The following TFDP1 variants were observed in gnomAD, a reference collection of about 807,000 sequenced individuals.
TFDP1 encodes the protein DRTF1-polypeptide 1.
TFDP1 carries 6 observed loss-of-function variants against 48.0 expected under a neutral mutation model. The observed-to-expected ratio is 0.13, with a 90% CI of 0.07 to 0.25. The LOEUF (loss-of-function observed/expected upper bound fraction) is 0.25, where lower values mean the gene tolerates loss of function less well. Ranked by LOEUF, TFDP1 falls within the 10% of genes least tolerant of loss-of-function variation. The probability of loss-of-function intolerance (pLI) is 1.00; values close to 1 mark genes in which losing one functional copy is unlikely to be tolerated. For synonymous variants in TFDP1, 201 were observed against 211.6 expected, an observed-to-expected ratio of 0.95 and a Z score of 0.44; for missense variants, 335 against 543.0, an observed-to-expected ratio of 0.62 and a Z score of 3.81.
intron 5 of TFDP1, among the ~76,000 whole-genome samples, chr13:113,632,567 A>G (rs1361187897): frequency 6.6e-6 from 1 of 152,130 alleles, no homozygotes; most frequent in Non-Finnish European, 1.5e-5. Flanking sequence ...CACGAGTTCA[A>G]GAGATTGAGA....
intron 3 of TFDP1, among the ~76,000 whole-genome samples, chr13:113,619,856 T>C (rs904516665): frequency 6.6e-6 from 1 of 152,098 alleles, no homozygotes; most frequent in Non-Finnish European, 1.5e-5. Flanking sequence ...GGAGGGGCCC[T>C]CTGTGCTTGG....
intron 2 of TFDP1, among the ~76,000 whole-genome samples, chr13:113,593,720 A>G (rs1566635564): frequency 7.9e-6 from 1 of 125,846 alleles, no homozygotes; most frequent in Non-Finnish European, 1.7e-5. Context: ...GTGGGTCCTC[A>G]GCCCTGCCCA....
chr13:113,612,534 A>AAAGTG (rs2048732938), intron 3 of TFDP1, among the ~76,000 whole-genome samples: 1 of 152,382 alleles, frequency 6.6e-6, no homozygotes, highest in South Asian at 2.1e-4. Flanking sequence ...TGAACACTTA[A>AAAGTG]AAGTGGACAA....
rs532338384 is a variant in TFDP1 at position 113,626,572 on chromosome 13, C to T, written c.186+3286C>T. Among the ~76,000 whole-genome samples, 10 of 151,912 alleles carry T rather than the reference C, an allele frequency of 6.6e-5. 1 individual carries two copies. Among genetic ancestry groups the T allele is most frequent in the Middle Eastern group, 6.8e-3 (2 of 294 alleles). On this transcript the variant is annotated intron_variant, in intron 4 of 11. Transcript: ENST00000375370. ...CTCCCACACAGCTGTCCTGATTGAGCGGTTCCAGATCCCAGGCAGCTTTTG... is the reference window on the plus strand; with the variant it reads ...CTCCCACACAGCTGTCCTGATTGAGTGGTTCCAGATCCCAGGCAGCTTTTG...
chr13:113,632,156 C>T (rs533915791), intron 5 of TFDP1, among the ~76,000 whole-genome samples: 8 of 152,366 alleles, frequency 5.3e-5, no homozygotes, highest in African/African-American at 1.4e-4. Flanking sequence ...ACGGCCCCCG[C>T]GGGTGGTCCC....
At chr13:113,619,689 G>A (rs1566661433) in intron 3 of TFDP1, among the ~76,000 whole-genome samples, 1 of 152,058 alleles carries the variant, frequency 6.6e-6, no homozygotes, top group Non-Finnish European at 1.5e-5. Context: ...CGGACAGGGG[G>A]TATTCACCCT....
chr13:113,611,416 C>T (rs1282696601), intron 3 of TFDP1, among the ~76,000 whole-genome samples: 3 of 152,258 alleles, frequency 2.0e-5, no homozygotes, highest in Admixed American at 2.0e-4. Context: ...CCGGCCTCAC[C>T]TGTGCTGTTT....
intron 2 of TFDP1, among the ~76,000 whole-genome samples, chr13:113,599,724 T>C (rs1236578439): frequency 6.6e-6 from 1 of 152,196 alleles, no homozygotes; most frequent in African/African-American, 2.4e-5. Flanking sequence ...GGAAGCTGGC[T>C]CTGCCCTGAC....
chr13:113,586,219 C>T (rs545986599), intron 2 of TFDP1: 33 of 174,568 alleles, frequency 1.9e-4, no homozygotes, highest in Non-Finnish European at 3.0e-4. Context: ...GGGGCTTCCA[C>T]ATGAGACGCT....
At chr13:113,636,501 C>A (rs373962549) in intron 9 of TFDP1, 33 bp from the exon 10 acceptor site, 1 of 1,608,968 alleles carries the variant, frequency 6.2e-7, no homozygotes, top group Admixed American at 1.7e-5. Context: ...CGCTGGGAGA[C>A]CCTGTCTTTC....
intron 2 of TFDP1, among the ~76,000 whole-genome samples, chr13:113,605,901 CGGCGCGGTGATGAGTGTCCAT>C (rs1566647939): frequency 7.0e-4 from 71 of 101,728 alleles, no homozygotes; most frequent in East Asian, 3.8e-3. Context: ...GTGTCCAAGG[CGGCGCGGTGATGAGTGTCCAT>C]AGGGGATCCT....
At chr13:113,616,974 C>T (rs536480064) in intron 3 of TFDP1, among the ~76,000 whole-genome samples, 2 of 152,274 alleles carry the variant, frequency 1.3e-5, no homozygotes, top group Non-Finnish European at 2.9e-5. Flanking sequence ...TTTCTGTGGC[C>T]GTAACCCTTG....
At chr13:113,601,080 T>C (rs1183942616) in intron 2 of TFDP1, among the ~76,000 whole-genome samples, 4 of 152,206 alleles carry the variant, frequency 2.6e-5, no homozygotes, top group Non-Finnish European at 5.9e-5. Flanking sequence ...TGCGAGGTTC[T>C]TTTCTGCTGC....
chr13:113,587,919 C>T (rs1356664189), intron 2 of TFDP1, among the ~76,000 whole-genome samples: 2 of 152,174 alleles, frequency 1.3e-5, no homozygotes, highest in African/African-American at 4.8e-5. Context: ...TGCAATGGCG[C>T]GACCTCAGCT....
rs2049034359 is a variant in TFDP1 at position 113,623,045 on chromosome 13, C to T, written c.80-135C>T. ...TTCATGGAGGTGTTGCTCTTGAGCC[C>T]TGGATTTGAGACAGTACACGTGGGG... On this transcript the variant is annotated intron_variant, in intron 3 of 11. Coordinates refer to ENST00000375370, the MANE Select transcript of TFDP1 (RefSeq NM_007111.5). This position sits in a 1 kb window ranked among gnomAD's most constrained non-coding sequence, Gnocchi z 5.2. The T allele has an allele frequency of 1.3e-6, 1 of 762,866 alleles. No individual in the cohort carries two copies. Among genetic ancestry groups the T allele is most frequent in the East Asian group, 2.8e-5 (1 of 36,272 alleles). The allele number at this position is 762,866 out of a possible 1,614,324, so 47.3% of individuals were successfully genotyped here.
At chr13:113,616,906 T>C (rs4150746) in intron 3 of TFDP1, among the ~76,000 whole-genome samples, 64,889 of 152,092 alleles carry the variant, frequency 0.43, 14,659 homozygotes, top group African/African-American at 0.56. Flanking sequence ...TGTATTTCTC[T>C]GTTTTTAACC....
chr13:113,606,426 C>T (rs768199083), intron 2 of TFDP1, among the ~76,000 whole-genome samples: 2 of 152,162 alleles, frequency 1.3e-5, no homozygotes, highest in Non-Finnish European at 2.9e-5. Flanking sequence ...TGGTAAATAG[C>T]GTCTTCTTGC....
intron 9 of TFDP1, 37 bp downstream of exon 9, chr13:113,636,165 A>G (rs1172967270): frequency 3.7e-6 from 6 of 1,608,710 alleles, no homozygotes; most frequent in Non-Finnish European, 5.1e-6. Flanking sequence ...CTGGTCACCC[A>G]TCTCTTTTTT....
intron 2 of TFDP1, among the ~76,000 whole-genome samples, chr13:113,588,263 G>A (rs1304532985): frequency 6.6e-6 from 1 of 152,254 alleles, no homozygotes; most frequent in Non-Finnish European, 1.5e-5. Context: ...CAGGCCTCCA[G>A]CTTCTAAGTG....
Sources: gnomAD v4.1 joint callset for allele counts (sites outside exome capture counted in the v4.1 genomes callset) on GRCh38, gnomAD v4.1.1 for gene constraint, Gnocchi (gnomAD v3.1) non-coding constraint, MANE v1.5 for transcripts, NCBI Gene and HGNC (gene_info 2026-07-23, HGNC 2026-07-21) for gene names.